SCGN: variants seen among roughly 807,000 people sequenced by gnomAD.
The protein encoded by SCGN is secretagogin.
A neutral mutation model predicts 39.7 loss-of-function variants in SCGN; 30 were observed. The ratio of observed to expected loss-of-function variants is 0.76; its 90% CI spans 0.57 to 1.03. The LOEUF is 1.03. Among genes scored for constraint, SCGN ranks in the 50% least tolerant of loss-of-function variants. The pLI, the probability that SCGN is intolerant of heterozygous loss-of-function variation, is 0.00. For missense variants in SCGN, 353 were observed against 349.4 expected, an observed-to-expected ratio of 1.01 and a Z score of -0.08; for synonymous variants, 106 against 114.1, an observed-to-expected ratio of 0.93 and a Z score of 0.45.
chr6:25,677,308 G>A (rs868572205), intron 6 of SCGN, among the ~76,000 whole-genome samples: 10 of 152,216 alleles, frequency 6.6e-5, no homozygotes, highest in African/African-American at 2.4e-4. Flanking sequence ...CTATAATTCA[G>A]ATATTTGTTT....
At position 25,653,552 on chromosome 6, in the gene SCGN, T is replaced by C; in HGVS notation, c.153+100T>C. 4 of 831,604 alleles carry C rather than the reference T, an allele frequency of 4.8e-6. No individual in the cohort carries two copies. In the South Asian group the frequency reaches 6.7e-5, roughly 14 times the overall value. 51.5% of individuals were successfully genotyped at this position (831,604 alleles called of 1,614,324 possible). On this transcript the variant is annotated intron_variant, in intron 2 of 10. Coordinates refer to ENST00000377961, the MANE Select transcript of SCGN (RefSeq NM_006998.4). The stretch of plus-strand genomic sequence containing the variant: ...TACCTATTAATTCCAACTCACCTCC[T>C]TTCTTCCTTGCATGTATGTAATTTC...
intron 7 of SCGN, among the ~76,000 whole-genome samples, chr6:25,688,759 A>C (rs1228531237): frequency 7.0e-6 from 1 of 143,448 alleles, no homozygotes; most frequent in Non-Finnish European, 1.5e-5. Context: ...GCGAGATCGC[A>C]CCACTGCACT....
chr6:25,654,423 T>G (rs1359640082), intron 2 of SCGN, among the ~76,000 whole-genome samples: 1 of 152,168 alleles, frequency 6.6e-6, no homozygotes, highest in Non-Finnish European at 1.5e-5. Context: ...CTGCCTCTCA[T>G]ATTCTGTCTG....
intron 2 of SCGN, among the ~76,000 whole-genome samples, chr6:25,653,798 T>C (rs1193134577): frequency 6.6e-6 from 1 of 152,238 alleles, no homozygotes; most frequent in Non-Finnish European, 1.5e-5. Flanking sequence ...TTCAAAAAGC[T>C]GGAAAAGATG....
At chr6:25,689,072 G>C (rs1332379496) in intron 7 of SCGN, 100 bp from the exon 8 acceptor site, 3 of 724,418 alleles carry the variant, frequency 4.1e-6, no homozygotes, top group Non-Finnish European at 6.9e-6. Context: ...ATTCTGTTCT[G>C]CAGGAAATTG....
chr6:25,677,785 C>T (rs530521167), intron 6 of SCGN, among the ~76,000 whole-genome samples: 2 of 152,294 alleles, frequency 1.3e-5, no homozygotes, highest in African/African-American at 4.8e-5. Context: ...GAATTATTTG[C>T]ATGTTTTTCA....
chr6:25,691,762 A>G (rs1344406353), intron 10 of SCGN, among the ~76,000 whole-genome samples: 1 of 152,172 alleles, frequency 6.6e-6, no homozygotes, highest in East Asian at 1.9e-4. Flanking sequence ...GTCGACAATG[A>G]ATTTAGTAGT....
intron 6 of SCGN, among the ~76,000 whole-genome samples, chr6:25,674,581 G>T (rs1256742367): frequency 6.6e-6 from 1 of 152,188 alleles, no homozygotes; most frequent in East Asian, 1.9e-4. Context: ...CTGTATTAAA[G>T]ATTTTGTTCT....
chr6:25,686,708 C>A (rs1759708407), intron 7 of SCGN, among the ~76,000 whole-genome samples: 1 of 151,870 alleles, frequency 6.6e-6, no homozygotes, highest in Admixed American at 6.6e-5. Flanking sequence ...CTCATGAAGT[C>A]CAATTTGTCT....
At position 25,667,340 on chromosome 6, in the gene SCGN, T is replaced by G. The variant is rs187802442; in HGVS notation, c.337-2171T>G. ...TCTGTAAAGAAGAGCTTTCCCTTTCTGTACCCAACTTTTAAAACTATCATT... is the reference window on the plus strand; with the variant it reads ...TCTGTAAAGAAGAGCTTTCCCTTTCGGTACCCAACTTTTAAAACTATCATT... On this transcript the variant is annotated intron_variant, in intron 4 of 10. Coordinates refer to ENST00000377961, the MANE Select transcript of SCGN (RefSeq NM_006998.4). 2.0e-5 allele frequency among the ~76,000 whole-genome samples: 3 copies of G among 152,316 alleles called. No individual in the cohort carries two copies. The East Asian group carries it at 5.8e-4, about 29-fold the overall frequency.
intron 4 of SCGN, among the ~76,000 whole-genome samples, chr6:25,666,574 C>A (rs2151378486): frequency 6.6e-6 from 1 of 152,266 alleles, no homozygotes; most frequent in Non-Finnish European, 1.5e-5. Flanking sequence ...CCCTAATATG[C>A]AAGGCACTGT....
chr6:25,665,030 C>A lies in SCGN; in HGVS notation c.334C>A (p.Gln112Lys). The A allele has an allele frequency of 6.2e-7, 1 of 1,611,246 alleles. No individual in the cohort carries two copies. Residue 112 changes from glutamine (Q) to lysine (K), a missense_variant and splice_region_variant, in exon 4 of 11, where the codon CAG becomes AAG. Physicochemically the swap from Gln to Lys is moderately conservative, Grantham distance 53. Transcript: ENST00000377961. ...ACTGGACAGCAGCGTGGAGTTTATG[C>A]AGGTGAGTGCTTGGTTGTGTCTCTG... Reference protein sequence around the residue: ...NPLDSSVEFMQIWRKYDADSS... With the variant: ...NPLDSSVEFMKIWRKYDADSS...
intron 10 of SCGN, among the ~76,000 whole-genome samples, chr6:25,698,075 T>G (rs965918974): frequency 2.0e-5 from 3 of 152,254 alleles, no homozygotes; most frequent in African/African-American, 7.2e-5. Context: ...TCACTTGTTA[T>G]AAAAACTGTT....
intron 4 of SCGN, among the ~76,000 whole-genome samples, chr6:25,666,051 T>C (rs941194720): frequency 5.3e-5 from 8 of 151,552 alleles, no homozygotes; most frequent in African/African-American, 1.9e-4. Flanking sequence ...TTAAAAAACT[T>C]TGTCCTGGCT....
chr6:25,701,302 G>C lies in SCGN; in HGVS notation c.798G>C (p.Leu266=). 2 of 1,613,304 alleles carry C rather than the reference G, an allele frequency of 1.2e-6. No homozygotes were observed. Among genetic ancestry groups the C allele is most frequent in the Non-Finnish European group, 1.7e-6 (2 of 1,179,688 alleles). Residue 266 remains leucine, a synonymous_variant, in exon 11 of 11, where the codon CTG becomes CTC. Transcript: ENST00000377961. ...ATGGAAAAATTCAGAAGTCTGAGCTGGCTTTGTGTCTTGGGCTGAAAATCA... is the reference window on the plus strand; with the variant it reads ...ATGGAAAAATTCAGAAGTCTGAGCTCGCTTTGTGTCTTGGGCTGAAAATCA... ...NKDGKIQKSE[L]ALCLGLKINP
chr6:25,673,055 A>G (rs1490347053), intron 6 of SCGN, among the ~76,000 whole-genome samples: 3 of 152,098 alleles, frequency 2.0e-5, no homozygotes, highest in African/African-American at 4.8e-5. Flanking sequence ...AGCCTACTTA[A>G]TGCAAGTTAA....
Position 25,691,534 on chromosome 6 carries a change from G to C in SCGN, c.702+410G>C, listed in dbSNP as rs1241092666. ...ATTCTATTTTTTTTTTAACTAAGAG[G>C]CTTCTCTAATACCTAGCCTAAGATG... On this transcript the variant is annotated intron_variant, in intron 10 of 10. Coordinates refer to ENST00000377961, the MANE Select transcript of SCGN (RefSeq NM_006998.4). Among the ~76,000 whole-genome samples the C allele has an allele frequency of 2.0e-5, 3 of 151,884 alleles. No individual in the cohort carries two copies. The South Asian group carries it at 6.3e-4, about 32-fold the overall frequency.
At chr6:25,664,909 G>C in intron 3 of SCGN, 34 bp from the exon 4 acceptor site, 1 of 1,543,052 alleles carries the variant, frequency 6.5e-7, no homozygotes, top group Non-Finnish European at 8.9e-7. Context: ...ACACTGGCCA[G>C]TGTCCCTGAC....
chr6:25,694,672 A>T (rs1759816575), intron 10 of SCGN, among the ~76,000 whole-genome samples: 1 of 152,254 alleles, frequency 6.6e-6, no homozygotes, highest in African/African-American at 2.4e-5. Flanking sequence ...GTAGTTCATT[A>T]TTAATGTTCT....
Sources: gnomAD v4.1 joint callset for allele counts (sites outside exome capture counted in the v4.1 genomes callset) on GRCh38, gnomAD v4.1.1 for gene constraint, MANE v1.5 for transcripts, NCBI Gene and HGNC (gene_info 2026-07-23, HGNC 2026-07-21) for gene names.